THOC5: variants seen among roughly 807,000 people sequenced by gnomAD.
THOC5 encodes the protein Fms-interacting protein.
A neutral mutation model predicts 92.9 loss-of-function variants in THOC5; 43 were observed. The observed-to-expected ratio is 0.46, with a 90% CI of 0.36 to 0.60. The LOEUF (loss-of-function observed/expected upper bound fraction) is 0.60, where lower values mean the gene tolerates loss of function less well. Among genes scored for constraint, THOC5 ranks in the 20% least tolerant of loss-of-function variants. The pLI is 0.00. For synonymous variants in THOC5, 296 were observed against 320.1 expected (o/e 0.92, Z 0.80); for missense variants, 659 against 849.4 (o/e 0.78, Z 2.79).
At chr22:29,525,572 C>G (rs1382321947) in intron 12 of THOC5, among the ~76,000 whole-genome samples, 1 of 152,206 alleles carries the variant, frequency 6.6e-6, no homozygotes, top group Non-Finnish European at 1.5e-5. Context: ...AAAGCTGGTG[C>G]TCTGCCCCAC....
intron 17 of THOC5, among the ~76,000 whole-genome samples, chr22:29,513,676 A>G (rs2063272911): frequency 6.6e-6 from 1 of 151,848 alleles, no homozygotes; most frequent in African/African-American, 2.4e-5. Context: ...GCAACAAAGC[A>G]AGACTCCGTC....
chr22:29,528,280 C>T, intron 10 of THOC5, 103 bp from the exon 11 acceptor site: 1 of 1,614,016 alleles, frequency 6.2e-7, no homozygotes, highest in Non-Finnish European at 8.5e-7. Context: ...GCACCTGCTG[C>T]TTCAGCTAGC....
rs2146487616 is a variant in THOC5 at position 29,525,962 on chromosome 22, A to G, written c.1067-16T>C. 1 of 1,571,738 alleles carries G rather than the reference A, an allele frequency of 6.4e-7. No individual in the cohort carries two copies. Among genetic ancestry groups the G allele is most frequent in the South Asian group, 1.1e-5 (1 of 90,466 alleles). ...ACACTGTCATCTGGAGGGGAGGAAG[A>G]TGAGAGAATTTATGAGTCAAAACAC... On this transcript the variant is annotated splice_polypyrimidine_tract_variant and intron_variant, in intron 11 of 19. Coordinates refer to ENST00000490103, the MANE Select transcript of THOC5 (RefSeq NM_003678.5).
intron 8 of THOC5, chr22:29,531,371 T>C: frequency 2.0e-6 from 2 of 985,426 alleles, no homozygotes; most frequent in East Asian, 1.1e-4. Flanking sequence ...TCAAGCTTAA[T>C]GAGGACATAT....
At chr22:29,517,401 GA>G in intron 15 of THOC5, 35 bp from the exon 16 acceptor site, 2 of 1,588,026 alleles carry the variant, frequency 1.3e-6, no homozygotes, top group Non-Finnish European at 1.7e-6. Flanking sequence ...GTCACAGGTA[GA>G]AATCAGGTGC....
chr22:29,510,962 G>T, intron 19 of THOC5, 144 bp downstream of exon 19: 1 of 848,566 alleles, frequency 1.2e-6, no homozygotes, highest in Non-Finnish European at 1.9e-6. Flanking sequence ...AGGTGTTAGT[G>T]AAAAACAGGT....
At position 29,528,444 on chromosome 22, in the gene THOC5, G is replaced by A. The variant is rs143601982; in HGVS notation, c.948C>T (p.Ala316=). The A allele has an allele frequency of 3.9e-5, 63 of 1,613,344 alleles. No individual in the cohort carries two copies. The highest frequency in any genetic ancestry group is 5.0e-5 in the Admixed American group (3 of 59,986). ...DSQDDESDSD[A]EEEQTTKRRR... ...TTCTCACCGTAGTCTGCTCCTCCTC[G>A]GCATCTGAGTCACTCTCGTCATCTG... The change falls in exon 10 of 20, where the codon GCC becomes GCT. Residue 316 remains alanine, a synonymous_variant. Coordinates refer to ENST00000490103, the MANE Select transcript of THOC5 (RefSeq NM_003678.5).
rs778554975 is a variant in THOC5 at position 29,549,100 on chromosome 22, G to A, written c.48C>T (p.Ser16=). The A allele has an allele frequency of 1.9e-5, 30 of 1,614,024 alleles. No individual in the cohort carries two copies. Among genetic ancestry groups the A allele is most frequent in the Non-Finnish European group, 2.3e-5 (27 of 1,180,032 alleles). Residue 16 remains serine, a synonymous_variant, in exon 2 of 20, where the codon AGC becomes AGT. Transcript: ENST00000490103. ...GCTTTCCTTCAGCTGGGGCTCCATCGCTTCGGATCACTTTGGGCTTCCGTT... is the reference window on the plus strand; with the variant it reads ...GCTTTCCTTCAGCTGGGGCTCCATCACTTCGGATCACTTTGGGCTTCCGTT... ...SKKRKPKVIR[S]DGAPAEGKRN... is the part of the protein sequence containing the mutation.
At chr22:29,537,030 A>T (rs1169832044) in intron 6 of THOC5, among the ~76,000 whole-genome samples, 1 of 152,272 alleles carries the variant, frequency 6.6e-6, no homozygotes, top group East Asian at 1.9e-4. Context: ...ACACTGCGCT[A>T]GGCTTTGGAT....
intron 7 of THOC5, 56 bp from the exon 8 acceptor site, chr22:29,532,019 A>G: frequency 1.9e-6 from 3 of 1,588,362 alleles, no homozygotes; most frequent in South Asian, 2.3e-5. Context: ...CACACAGGAA[A>G]AAGTGGCTAC....
intron 5 of THOC5, among the ~76,000 whole-genome samples, chr22:29,539,965 T>C (rs548704024): frequency 6.6e-6 from 1 of 152,246 alleles, no homozygotes; most frequent in African/African-American, 2.4e-5. Flanking sequence ...GTTGCATGCA[T>C]AGTGATTTAT....
At chr22:29,526,017 GTA>G in intron 11 of THOC5, 71 bp from the exon 12 acceptor site, 1 of 628,140 alleles carries the variant, frequency 1.6e-6, no homozygotes, top group Non-Finnish European at 2.7e-6. Context: ...GTCATAGGGG[GTA>G]GTAAGGTGGG....
chr22:29,532,761 T>C (rs932730979), intron 7 of THOC5, among the ~76,000 whole-genome samples: 2 of 152,146 alleles, frequency 1.3e-5, no homozygotes, highest in African/African-American at 4.8e-5. Flanking sequence ...GTGGATCACC[T>C]GAGGTCAGGA....
intron 12 of THOC5, among the ~76,000 whole-genome samples, chr22:29,524,069 C>A (rs966337214): frequency 6.6e-6 from 1 of 152,188 alleles, no homozygotes; most frequent in Non-Finnish European, 1.5e-5. Flanking sequence ...ATGAGCTAGA[C>A]AACACCTGAA....
intron 1 of THOC5, among the ~76,000 whole-genome samples, chr22:29,549,639 G>T (rs1235721772): frequency 6.6e-6 from 1 of 152,114 alleles, no homozygotes; most frequent in Admixed American, 6.5e-5. Flanking sequence ...CAAAACCTTT[G>T]CTGGCTCTTC....
chr22:29,538,489 G>T (rs1210375712), intron 6 of THOC5, among the ~76,000 whole-genome samples: 2 of 151,934 alleles, frequency 1.3e-5, no homozygotes, highest in South Asian at 2.1e-4. Flanking sequence ...AAAAGATAAG[G>T]TCTTCGGCAT....
At chr22:29,539,109 C>CA (rs373724250) in intron 6 of THOC5, among the ~76,000 whole-genome samples, 1,857 of 33,740 alleles carry the variant, frequency 0.055, 20 homozygotes, top group Non-Finnish European at 0.063. Flanking sequence ...GACTCCATCT[C>CA]AAAAAAAAAA....
At chr22:29,527,042 C>G (rs961714206) in intron 11 of THOC5, among the ~76,000 whole-genome samples, 1 of 148,654 alleles carries the variant, frequency 6.7e-6, no homozygotes, top group African/African-American at 2.5e-5. Context: ...ATCATACCAT[C>G]TTTAATTAAG....
intron 11 of THOC5, among the ~76,000 whole-genome samples, chr22:29,526,839 A>G (rs1360470050): frequency 1.3e-5 from 2 of 152,202 alleles, no homozygotes. Context: ...GTCATGAAAC[A>G]CAAGGAAAGA....
Sources: allele counts gnomAD v4.1 joint callset (sites outside exome capture counted in the v4.1 genomes callset), GRCh38; gene constraint gnomAD v4.1.1; transcripts MANE v1.5; gene names NCBI Gene and HGNC (gene_info 2026-07-23, HGNC 2026-07-21).